The following CTNNA2 variants were observed in gnomAD, a reference collection of about 807,000 sequenced individuals.
The protein encoded by CTNNA2 is catenin alpha-2.
A neutral mutation model predicts 101.0 loss-of-function variants in CTNNA2; 42 were observed. That is an observed-to-expected ratio of 0.42 (90% CI 0.32 to 0.54). CTNNA2 has a LOEUF of 0.54. CTNNA2 is among the 20% of genes least tolerant of loss of function. The pLI is 0.14. For synonymous variants in CTNNA2, 450 were observed against 456.4 expected (o/e 0.99, Z 0.18); for missense variants, 871 against 1,223.1 (o/e 0.71, Z 4.29).
At chr2:79,660,286 T>G (rs1006373456) in intron 2 of CTNNA2, among the ~76,000 whole-genome samples, 11 of 149,702 alleles carry the variant, frequency 7.3e-5, no homozygotes, top group Non-Finnish European at 1.6e-4. Flanking sequence ...TGTATGTGTA[T>G]CCATATGTAT....
intron 2 of CTNNA2, among the ~76,000 whole-genome samples, chr2:79,722,010 A>T (rs1030948171): frequency 2.0e-5 from 3 of 152,278 alleles, no homozygotes; most frequent in African/African-American, 7.2e-5. Context: ...ATTTCTCAAT[A>T]TTTTACTTTT....
rs145455427 is a variant in CTNNA2, at chr2:79,656,137, A to C, written c.102+4479A>C. Among the ~76,000 whole-genome samples the C allele has an allele frequency of 3.3e-3, 509 of 152,242 alleles. 13 individuals are homozygous for C. In the East Asian group the frequency reaches 0.045, roughly 13 times the overall value. ...TGAATTTTAAGATGGGATTTTCCTT[A>C]TGATATTACTTCCCTACAATACATG... is the stretch of plus-strand genomic sequence containing the variant. On this transcript the variant is annotated intron_variant, in intron 2 of 18. Coordinates refer to ENST00000402739, the MANE Select transcript of CTNNA2 (RefSeq NM_001282597.3).
chr2:79,278,146 A>G (rs1404032643), intron 2 of CTNNA2, among the ~76,000 whole-genome samples: 1 of 152,104 alleles, frequency 6.6e-6, no homozygotes, highest in African/African-American at 2.4e-5. Flanking sequence ...ACTTCACTGT[A>G]TGGCCCTGGC....
chr2:79,687,627 A>G, intron 2 of CTNNA2: 1 of 683,428 alleles, frequency 1.5e-6, no homozygotes, highest in Non-Finnish European at 2.7e-6. Flanking sequence ...GCTGACTGTC[A>G]TCTTGAAAAA....
chr2:79,926,793 C>T (rs1434569095), intron 7 of CTNNA2, among the ~76,000 whole-genome samples: 1 of 151,132 alleles, frequency 6.6e-6, no homozygotes, highest in Non-Finnish European at 1.5e-5. Flanking sequence ...CTAGATACAA[C>T]AGTATTAAAT....
intron 7 of CTNNA2, among the ~76,000 whole-genome samples, chr2:80,117,110 C>T (rs1701568067): frequency 6.6e-6 from 1 of 152,132 alleles, no homozygotes; most frequent in Admixed American, 6.5e-5. Flanking sequence ...TGTCGAGATA[C>T]TCACAAGCTA....
At chr2:79,225,459 C>G (rs999499107) in intron 2 of CTNNA2, among the ~76,000 whole-genome samples, 2 of 152,126 alleles carry the variant, frequency 1.3e-5, no homozygotes, top group African/African-American at 2.4e-5. Flanking sequence ...AGTGTTTACT[C>G]TCATCTGTAG....
intron 7 of CTNNA2, among the ~76,000 whole-genome samples, chr2:80,385,621 C>T (rs994355099): frequency 2.7e-5 from 4 of 150,870 alleles, no homozygotes; most frequent in Non-Finnish European, 5.9e-5. Context: ...CTTCTCTTTT[C>T]TTCCCCTCCT....
chr2:79,350,809 G>T (rs1244936310), intron 3 of CTNNA2, among the ~76,000 whole-genome samples: 1 of 152,012 alleles, frequency 6.6e-6, no homozygotes, highest in African/African-American at 2.4e-5. Context: ...GTTGTTTTTT[G>T]ACTTACTAAT....
At chr2:80,209,383 G>A (rs1707747164) in intron 7 of CTNNA2, among the ~76,000 whole-genome samples, 1 of 151,762 alleles carries the variant, frequency 6.6e-6, no homozygotes, top group South Asian at 2.1e-4. Context: ...TGCATGTGGG[G>A]TTTCACCATG....
At position 79,982,492 on chromosome 2, in the gene CTNNA2, C is replaced by T. The variant is rs185758968; in HGVS notation, c.1056+72695C>T. The stretch of plus-strand genomic sequence containing the variant: ...CTAACTACACACACACACACACACA[C>T]ACACACACATGCACGCACACACACA... On this transcript the variant is annotated intron_variant, in intron 7 of 18. Coordinates refer to ENST00000402739, the MANE Select transcript of CTNNA2 (RefSeq NM_001282597.3). Among the ~76,000 whole-genome samples the T allele has an allele frequency of 2.1e-3, 319 of 150,198 alleles. 7 individuals carry two copies. In the East Asian group the frequency reaches 0.056, roughly 26 times the overall value.
intron 7 of CTNNA2, among the ~76,000 whole-genome samples, chr2:79,965,969 A>G (rs1406281216): frequency 2.0e-5 from 3 of 152,030 alleles, no homozygotes; most frequent in African/African-American, 7.2e-5. Flanking sequence ...ATTACTGGTG[A>G]TAGGTGAGGG....
At chr2:80,452,404 C>A (rs766767079) in intron 9 of CTNNA2, among the ~76,000 whole-genome samples, 8 of 151,630 alleles carry the variant, frequency 5.3e-5, no homozygotes, top group Non-Finnish European at 1.0e-4. Flanking sequence ...TTTACAGACA[C>A]GTGGCTGTAT....
At chr2:79,186,812 T>C (rs1287113303) in intron 1 of CTNNA2, among the ~76,000 whole-genome samples, 1 of 152,186 alleles carries the variant, frequency 6.6e-6, no homozygotes, top group Non-Finnish European at 1.5e-5. Flanking sequence ...ACTTCACCAC[T>C]GTGTGTTCCA....
intron 2 of CTNNA2, among the ~76,000 whole-genome samples, chr2:79,285,286 C>T (rs1484301132): frequency 1.3e-5 from 2 of 150,294 alleles, no homozygotes; most frequent in Non-Finnish European, 3.0e-5. Context: ...TATTTCTTGT[C>T]TTCTGCTAGC....
chr2:79,426,213 T>G (rs1678591121), intron 4 of CTNNA2, among the ~76,000 whole-genome samples: 1 of 152,112 alleles, frequency 6.6e-6, no homozygotes, highest in Admixed American at 6.6e-5. Flanking sequence ...ACAAACAAAG[T>G]CTTTGGTACT....
At chr2:80,134,456 T>A (rs1702581914) in intron 7 of CTNNA2, among the ~76,000 whole-genome samples, 1 of 152,156 alleles carries the variant, frequency 6.6e-6, no homozygotes, top group Non-Finnish European at 1.5e-5. Context: ...ACCCAGCTTG[T>A]AAACCTTCCA....
intron 7 of CTNNA2, among the ~76,000 whole-genome samples, chr2:80,212,099 A>C (rs1452761916): frequency 6.6e-6 from 1 of 152,202 alleles, no homozygotes; most frequent in East Asian, 1.9e-4. Context: ...GTTGCCTATC[A>C]GCTTAAGGAG....
chr2:79,216,264 G>A lies in CTNNA2; in HGVS notation c.-406+18188G>A, dbSNP rs200649855. ...AGGTTTTAGGTTTTTAAGAACACAGGCTAAGGGAGAAGAAGGAGGAATGGA... is the reference window on the plus strand; with the variant it reads ...AGGTTTTAGGTTTTTAAGAACACAGACTAAGGGAGAAGAAGGAGGAATGGA... On this transcript the variant is annotated intron_variant, in intron 2 of 21. Transcript: ENST00000466387. 3.3e-5 allele frequency among the ~76,000 whole-genome samples: 5 copies of A among 151,898 alleles called. No individual in the cohort carries two copies. In the East Asian group the frequency reaches 7.8e-4, roughly 24 times the overall value.
Sources: gnomAD v4.1 joint callset for allele counts (sites outside exome capture counted in the v4.1 genomes callset) on GRCh38, gnomAD v4.1.1 for gene constraint, MANE v1.5 for transcripts, NCBI Gene and HGNC (gene_info 2026-07-23, HGNC 2026-07-21) for gene names.